USP13: variants seen among roughly 807,000 people sequenced by gnomAD.
The protein encoded by USP13 is ubiquitin carboxyl-terminal hydrolase 13.
In USP13, 68 loss-of-function variants were observed where a neutral mutation model predicts 107.8. The observed-to-expected ratio is 0.63, with a 90% CI of 0.52 to 0.77. The LOEUF (loss-of-function observed/expected upper bound fraction) is 0.77, where lower values mean the gene tolerates loss of function less well. USP13 is among the 30% of genes least tolerant of loss of function. The pLI is 0.00. For missense variants in USP13, 945 were observed against 1,093.3 expected (o/e 0.86, Z 1.91); for synonymous variants, 377 against 389.5 (o/e 0.97, Z 0.38).
chr3:179,725,404 C>G (rs1265709844), intron 8 of USP13, among the ~76,000 whole-genome samples: 1 of 152,106 alleles, frequency 6.6e-6, no homozygotes, highest in Non-Finnish European at 1.5e-5. Context: ...AGTATAGTCC[C>G]TGCATCTAAA....
intron 14 of USP13, among the ~76,000 whole-genome samples, chr3:179,753,539 T>G (rs1056319500): frequency 1.4e-4 from 22 of 152,376 alleles, no homozygotes; most frequent in African/African-American, 4.1e-4. Flanking sequence ...TTGAATCATA[T>G]TTCATTGACT....
intron 4 of USP13, among the ~76,000 whole-genome samples, chr3:179,702,663 T>C (rs955832866): frequency 6.6e-5 from 10 of 152,236 alleles, no homozygotes; most frequent in Non-Finnish European, 1.3e-4. Context: ...TGTGTATTTA[T>C]TTATTGTGCC....
At chr3:179,777,602 G>A (rs376123914) in intron 19 of USP13, among the ~76,000 whole-genome samples, 2 of 151,934 alleles carry the variant, frequency 1.3e-5, no homozygotes, top group African/African-American at 2.4e-5. Context: ...ACAGGTGCAC[G>A]CCACCATGCC....
chr3:179,737,475 G>A (rs1714032129), intron 10 of USP13, among the ~76,000 whole-genome samples: 1 of 152,168 alleles, frequency 6.6e-6, no homozygotes, highest in Non-Finnish European at 1.5e-5. Flanking sequence ...TGAAGCTAGG[G>A]CATTATTATT....
In USP13 at chr3:179,761,092, T is replaced by C; in HGVS notation, c.1949-20T>C. ...GACAGTTTCCTCTTTCACACTAGAA[T>C]ATCCTGTTGTGCTCTGTAGCATCAG... On this transcript the variant is annotated intron_variant, in intron 16 of 20. Coordinates refer to ENST00000263966, the MANE Select transcript of USP13 (RefSeq NM_003940.3). 6.2e-7 allele frequency: 1 copy of C among 1,613,976 alleles called. No individual in the cohort carries two copies. Among genetic ancestry groups the C allele is most frequent in the East Asian group, 2.2e-5 (1 of 44,878 alleles).
Position 179,721,491 on chromosome 3 carries a change from G to A in USP13, c.990G>A (p.Met330Ile), listed in dbSNP as rs1488139107. The change falls in exon 8 of 21, where the codon ATG becomes ATA. Residue 330 changes from methionine (M) to isoleucine (I), a missense_variant. Physicochemically the swap from Met to Ile is conservative, Grantham distance 10. Coordinates refer to ENST00000263966, the MANE Select transcript of USP13 (RefSeq NM_003940.3). The surrounding 1 kb of genome is among the most constrained non-coding windows in gnomAD (Gnocchi z 4.3). ...IQESGTKLKP[M>I]YGPGYTGLKN... ...AGTCGGGCACGAAACTGAAGCCAAT[G>A]TATGGTCCTGGCTACACGGGTCTGA... 1.2e-6 allele frequency: 2 copies of A among 1,614,202 alleles called. No homozygotes were observed. The highest frequency in any genetic ancestry group is 1.7e-6 in the Non-Finnish European group (2 of 1,180,048).
intron 18 of USP13, 76 bp from the exon 19 acceptor site, chr3:179,765,619 A>G: frequency 6.6e-7 from 1 of 1,520,714 alleles, no homozygotes; most frequent in East Asian, 2.3e-5. Flanking sequence ...CCTGACATCT[A>G]GTTGAAATGG....
intron 1 of USP13, among the ~76,000 whole-genome samples, chr3:179,676,397 C>T (rs1720893297): frequency 6.6e-6 from 1 of 152,128 alleles, no homozygotes. Context: ...CTTTACCATG[C>T]TTTCTTGGGT....
intron 1 of USP13, among the ~76,000 whole-genome samples, chr3:179,657,206 A>T (rs1012082640): frequency 2.6e-5 from 4 of 152,188 alleles, no homozygotes; most frequent in Non-Finnish European, 2.9e-5. Context: ...TAGTAATCAC[A>T]TACACATTTG....
intron 8 of USP13, among the ~76,000 whole-genome samples, chr3:179,729,132 C>T (rs1005838406): frequency 9.2e-5 from 14 of 152,154 alleles, no homozygotes; most frequent in African/African-American, 3.4e-4. Context: ...ATGGGGGAGA[C>T]ATTGGACTCA....
intron 6 of USP13, among the ~76,000 whole-genome samples, chr3:179,712,085 T>G (rs1712950773): frequency 6.6e-6 from 1 of 152,244 alleles, no homozygotes; most frequent in African/African-American, 2.4e-5. Flanking sequence ...ATGCAGTCCA[T>G]TGTTGACCAA....
intron 8 of USP13, among the ~76,000 whole-genome samples, chr3:179,729,125 G>A (rs1713697473): frequency 6.6e-6 from 1 of 152,196 alleles, no homozygotes; most frequent in African/African-American, 2.4e-5. Flanking sequence ...CCTGGCAATG[G>A]GGGAGACATT....
chr3:179,780,917 AT>A (rs150571548), intron 19 of USP13, among the ~76,000 whole-genome samples: 4,390 of 152,346 alleles, frequency 0.029, 129 homozygotes, highest in Middle Eastern at 0.14. Flanking sequence ...TTTTACTCTC[AT>A]TTACTCTAAA....
rs926523853 is a variant in USP13, at chr3:179,677,351, G to A, written c.169-4527G>A. ...TAATCCCAGCACTTTGGGAGGCCGA[G>A]GTGGGTGGATAACAAGGTCAGGAAT... On this transcript the variant is annotated intron_variant, in intron 1 of 20. Transcript: ENST00000263966. Among the ~76,000 whole-genome samples the A allele has an allele frequency of 2.0e-5, 3 of 152,094 alleles. No homozygotes were observed. In the South Asian group the frequency reaches 6.2e-4, roughly 32 times the overall value.
At chr3:179,728,238 G>A (rs1317619489) in intron 8 of USP13, among the ~76,000 whole-genome samples, 57 of 149,654 alleles carry the variant, frequency 3.8e-4, no homozygotes, top group Admixed American at 3.3e-3. Flanking sequence ...GGTGGCTGCC[G>A]GGCAGAGACG....
chr3:179,716,141 C>A (rs1713106286), intron 6 of USP13, among the ~76,000 whole-genome samples: 2 of 152,122 alleles, frequency 1.3e-5, no homozygotes. Context: ...TCAGGCTGGT[C>A]TTGAACTCCC....
chr3:179,654,740 T>G (rs1720201501), intron 1 of USP13, among the ~76,000 whole-genome samples: 1 of 152,166 alleles, frequency 6.6e-6, no homozygotes, highest in Admixed American at 6.6e-5. Flanking sequence ...AAAAGAAAAG[T>G]CCAAATGAGC....
chr3:179,685,526 T>C (rs927354663), intron 2 of USP13, among the ~76,000 whole-genome samples: 3 of 152,112 alleles, frequency 2.0e-5, no homozygotes, highest in African/African-American at 4.8e-5. Context: ...TAATTTTGAC[T>C]TGCTACTGAA....
intron 13 of USP13, among the ~76,000 whole-genome samples, chr3:179,746,224 A>C (rs1022656483): frequency 4.1e-5 from 6 of 147,162 alleles, no homozygotes; most frequent in Non-Finnish European, 9.0e-5. Context: ...ATATATATAA[A>C]ATTTTATATA....
Sources: allele counts gnomAD v4.1 joint callset (sites outside exome capture counted in the v4.1 genomes callset), GRCh38; gene constraint gnomAD v4.1.1; non-coding constraint Gnocchi (gnomAD v3.1); transcripts MANE v1.5; gene names NCBI Gene and HGNC (gene_info 2026-07-23, HGNC 2026-07-21).